The following TEC variants were observed in gnomAD, a reference collection of about 807,000 sequenced individuals.
The protein encoded by TEC is tec protein tyrosine kinase.
TEC carries 72 observed loss-of-function variants against 93.0 expected under a neutral mutation model. The ratio of observed to expected loss-of-function variants is 0.77; its 90% CI spans 0.64 to 0.94. The LOEUF (loss-of-function observed/expected upper bound fraction) is 0.94. Ranked by LOEUF, TEC falls within the 40% of genes least tolerant of loss-of-function variation. The pLI, the probability that TEC is intolerant of heterozygous loss-of-function variation, is 0.00. For missense variants in TEC, 630 were observed against 757.9 expected (o/e 0.83, Z 1.98); for synonymous variants, 249 against 247.7 (o/e 1.01, Z -0.05).
chr4:48,139,758 A>C (rs1235159892), intron 15 of TEC, among the ~76,000 whole-genome samples: 5 of 152,252 alleles, frequency 3.3e-5, no homozygotes, highest in Non-Finnish European at 7.3e-5. Context: ...ACATATTTAC[A>C]AAAGGAATGT....
chr4:48,255,679 G>A (rs1451148771), intron 1 of TEC, among the ~76,000 whole-genome samples: 1 of 152,204 alleles, frequency 6.6e-6, no homozygotes, highest in Non-Finnish European at 1.5e-5. Flanking sequence ...TAACTTCTCA[G>A]TAACTCAGGT....
intron 3 of TEC, 114 bp from the exon 4 acceptor site, chr4:48,171,563 G>T: frequency 1.4e-6 from 1 of 695,022 alleles, no homozygotes; most frequent in Non-Finnish European, 2.3e-6. Context: ...ATAACTGAAA[G>T]TCAATAACTT....
chr4:48,220,095 T>C (rs576817884), intron 2 of TEC, among the ~76,000 whole-genome samples: 59 of 151,610 alleles, frequency 3.9e-4, no homozygotes, highest in Non-Finnish European at 1.2e-4. Context: ...ACAACATACA[T>C]AAATCCTAAA....
At chr4:48,164,740 G>A (rs1220113412) in intron 7 of TEC, among the ~76,000 whole-genome samples, 1 of 152,060 alleles carries the variant, frequency 6.6e-6, no homozygotes, top group Non-Finnish European at 1.5e-5. Flanking sequence ...AGTGGCTCAC[G>A]CCTGTAATCC....
intron 1 of TEC, among the ~76,000 whole-genome samples, chr4:48,248,762 C>G (rs532199021): frequency 7.0e-4 from 107 of 152,256 alleles, no homozygotes; most frequent in African/African-American, 2.4e-3. Flanking sequence ...GTTCACACGC[C>G]TCCAGTACAC....
At chr4:48,253,668 AG>A (rs1159777391) in intron 1 of TEC, among the ~76,000 whole-genome samples, 1 of 145,680 alleles carries the variant, frequency 6.9e-6, no homozygotes, top group Non-Finnish European at 1.5e-5. Context: ...TCCACCTCCC[AG>A]GTTCAAACAA....
At chr4:48,240,463 T>C (rs1253934467) in intron 1 of TEC, among the ~76,000 whole-genome samples, 1 of 152,126 alleles carries the variant, frequency 6.6e-6, no homozygotes, top group East Asian at 1.9e-4. Context: ...TACCTTCCAA[T>C]GGTCCCGGTG....
At chr4:48,264,390 G>T (rs918987747) in intron 1 of TEC, among the ~76,000 whole-genome samples, 1 of 152,150 alleles carries the variant, frequency 6.6e-6, no homozygotes, top group African/African-American at 2.4e-5. Context: ...CCTTCAGGGG[G>T]TCCGTACACA....
Position 48,216,867 on chromosome 4 carries a change from A to G in TEC, c.138+11610T>C, listed in dbSNP as rs1350518980. On this transcript the variant is annotated intron_variant, in intron 2 of 17. Transcript: ENST00000381501. ...CTCTCATCATAATACAAATAATCAA[A>G]TGAATAAAACACAACTATCACAGCC... is the stretch of plus-strand genomic sequence containing the variant. Among the ~76,000 whole-genome samples, 4 of 152,370 alleles carry G rather than the reference A, an allele frequency of 2.6e-5. No individual in the cohort carries two copies. The East Asian group carries it at 7.7e-4, about 29-fold the overall frequency.
rs574324103 is a variant in TEC at position 48,251,194 on chromosome 4, A to T, written c.-46+18558T>A. ...TACTTCTCTAACCGCATCTAGTACC[A>T]CTCCCCAATGGCCCACTATGATTCA... On this transcript the variant is annotated intron_variant, in intron 1 of 17. Transcript: ENST00000381501. Among the ~76,000 whole-genome samples, 8 of 151,992 alleles carry T rather than the reference A, an allele frequency of 5.3e-5. No homozygotes were observed. The South Asian group carries it at 1.7e-3, about 32-fold the overall frequency.
intron 2 of TEC, among the ~76,000 whole-genome samples, chr4:48,209,656 A>G (rs1722831818): frequency 6.6e-6 from 1 of 152,162 alleles, no homozygotes; most frequent in African/African-American, 2.4e-5. Flanking sequence ...TGATATATTA[A>G]CAATAATTAC....
At chr4:48,172,703 A>G (rs898039503) in intron 3 of TEC, among the ~76,000 whole-genome samples, 1 of 152,230 alleles carries the variant, frequency 6.6e-6, no homozygotes. Context: ...TGAATCGGAC[A>G]TGAAGCCTGT....
chr4:48,267,612 C>T (rs1290270458), intron 1 of TEC, among the ~76,000 whole-genome samples: 1 of 152,186 alleles, frequency 6.6e-6, no homozygotes, highest in Non-Finnish European at 1.5e-5. Context: ...GCAGCTGGCC[C>T]CCAAGACTGT....
Position 48,146,379 on chromosome 4 carries a change from A to T in TEC, c.1027T>A (p.Tyr343Asn), listed in dbSNP as rs748532219. The T allele has an allele frequency of 7.4e-6, 12 of 1,613,842 alleles. No individual in the cohort carries two copies. Among genetic ancestry groups the T allele is most frequent in the Middle Eastern group, 3.3e-4 (2 of 6,056 alleles). The change falls in exon 12 of 18, where the codon TAC (tyrosine) becomes AAC (asparagine). Residue 343 changes from tyrosine to asparagine, a missense_variant. Physicochemically the swap from Tyr to Asn is moderately radical, Grantham distance 143. This residue lies in a region of TEC where 289 missense variants were observed against 390.0 expected (regional missense o/e 0.74). Coordinates refer to ENST00000381501, the MANE Select transcript of TEC (RefSeq NM_003215.3). ...TTCTTCCCTTTCACACTAACTGGGTACCGAAGCCTGGTGACAAGTCCTAAT... is the reference window on the plus strand; with the variant it reads ...TTCTTCCCTTTCACACTAACTGGGTTCCGAAGCCTGGTGACAAGTCCTAAT... ...NAAGLVTRLR[Y>N]PVSVKGKNAP...
chr4:48,230,600 T>C (rs1197470984), intron 1 of TEC, among the ~76,000 whole-genome samples: 1 of 152,180 alleles, frequency 6.6e-6, no homozygotes, highest in East Asian at 1.9e-4. Context: ...TGGATCAATC[T>C]TCAAAGATTC....
At chr4:48,217,504 T>A (rs1723121188) in intron 2 of TEC, among the ~76,000 whole-genome samples, 1 of 152,150 alleles carries the variant, frequency 6.6e-6, no homozygotes, top group Non-Finnish European at 1.5e-5. Flanking sequence ...ACAATGAAAG[T>A]AGGAGAATAG....
chr4:48,201,096 G>A (rs1447401531), intron 2 of TEC, among the ~76,000 whole-genome samples: 1 of 152,160 alleles, frequency 6.6e-6, no homozygotes. Flanking sequence ...ACAGATGGGA[G>A]GAGAAAGAGC....
intron 1 of TEC, among the ~76,000 whole-genome samples, chr4:48,230,948 C>G (rs748405999): frequency 7.2e-5 from 11 of 152,192 alleles, no homozygotes; most frequent in Non-Finnish European, 1.6e-4. Flanking sequence ...CATCATAGAG[C>G]TAATCATATT....
intron 1 of TEC, among the ~76,000 whole-genome samples, chr4:48,259,066 A>ATACT (rs1226358828): frequency 6.6e-6 from 1 of 152,240 alleles, no homozygotes; most frequent in Non-Finnish European, 1.5e-5. Context: ...TGGGCATAAT[A>ATACT]TACTTGCCCT....
Sources: allele counts gnomAD v4.1 joint callset (sites outside exome capture counted in the v4.1 genomes callset), GRCh38; gene constraint gnomAD v4.1.1; regional missense constraint gnomAD v4.1.1; transcripts MANE v1.5; gene names NCBI Gene and HGNC (gene_info 2026-07-23, HGNC 2026-07-21).